The following TMTC2 variants were observed in gnomAD, a reference collection of about 807,000 sequenced individuals.
The protein encoded by TMTC2 is transmembrane O-mannosyltransferase targeting cadherins 2.
In TMTC2, 43 loss-of-function variants were observed where a neutral mutation model predicts 82.4. That is an observed-to-expected ratio of 0.52 (90% CI 0.41 to 0.67). TMTC2 has a LOEUF of 0.67. Among genes scored for constraint, TMTC2 ranks in the 30% least tolerant of loss-of-function variants. The pLI is 0.00. For synonymous variants in TMTC2, 408 were observed against 381.9 expected, an observed-to-expected ratio of 1.07 and a Z score of -0.80; for missense variants, 919 against 1,012.4, an observed-to-expected ratio of 0.91 and a Z score of 1.25.
intron 1 of TMTC2, among the ~76,000 whole-genome samples, chr12:82,846,081 C>T (rs1241853302): frequency 6.6e-6 from 1 of 151,818 alleles, no homozygotes; most frequent in Admixed American, 6.6e-5. Context: ...GAAAGAGTGC[C>T]AGTGCCATGG....
intron 1 of TMTC2, among the ~76,000 whole-genome samples, chr12:82,847,454 C>A (rs559057523): frequency 6.6e-6 from 1 of 152,014 alleles, no homozygotes; most frequent in Non-Finnish European, 1.5e-5. Flanking sequence ...GGTATATACC[C>A]AAAGGATTAT....
At chr12:82,922,660 A>G (rs766082713) in intron 3 of TMTC2, among the ~76,000 whole-genome samples, 7 of 152,130 alleles carry the variant, frequency 4.6e-5, no homozygotes, top group South Asian at 2.1e-4. Context: ...TTTGATTTGT[A>G]TGTAATGTAT....
intron 4 of TMTC2, among the ~76,000 whole-genome samples, chr12:82,953,840 G>A (rs1437232547): frequency 4.7e-5 from 7 of 147,878 alleles, no homozygotes; most frequent in Non-Finnish European, 4.5e-5. Flanking sequence ...TTATCTCTGA[G>A]AAAAAAAAAA....
chr12:82,854,892 T>G (rs577351887), intron 1 of TMTC2, among the ~76,000 whole-genome samples: 1 of 152,292 alleles, frequency 6.6e-6, no homozygotes, highest in Admixed American at 6.5e-5. Flanking sequence ...GCACCTAATT[T>G]CCCAGGTTAT....
At chr12:82,869,163 T>C (rs1354173452) in intron 2 of TMTC2, among the ~76,000 whole-genome samples, 1 of 152,124 alleles carries the variant, frequency 6.6e-6, no homozygotes, top group Non-Finnish European at 1.5e-5. Flanking sequence ...TTAAGAAAAC[T>C]TGAGGATTCG....
chr12:82,816,144 C>CT (rs759486155), intron 1 of TMTC2, among the ~76,000 whole-genome samples: 9,855 of 139,062 alleles, frequency 0.071, 402 homozygotes, highest in Middle Eastern at 0.15. Flanking sequence ...AATGTGCTAT[C>CT]TTTTTTTTTT....
intron 1 of TMTC2, among the ~76,000 whole-genome samples, chr12:82,807,541 A>C (rs559276472): frequency 6.6e-6 from 1 of 152,134 alleles, no homozygotes; most frequent in Non-Finnish European, 1.5e-5. Flanking sequence ...GAGACAATGC[A>C]TGACAGAGAC....
chr12:83,023,981 C>A (rs769552389), intron 8 of TMTC2, among the ~76,000 whole-genome samples: 11 of 152,212 alleles, frequency 7.2e-5, no homozygotes, highest in Non-Finnish European at 1.3e-4. Flanking sequence ...ATTTCTGTAT[C>A]AGGTAGCTTT....
intron 1 of TMTC2, among the ~76,000 whole-genome samples, chr12:82,742,663 G>T (rs1360854821): frequency 1.3e-5 from 2 of 151,956 alleles, no homozygotes; most frequent in African/African-American, 2.4e-5. Flanking sequence ...GGGATTATAG[G>T]CGCCTGCCAT....
chr12:83,048,349 A>G (rs1882219104), intron 9 of TMTC2, among the ~76,000 whole-genome samples: 1 of 152,222 alleles, frequency 6.6e-6, no homozygotes, highest in Admixed American at 6.5e-5. Context: ...GTTAGCATAT[A>G]CAAGTATTTC....
intron 7 of TMTC2, among the ~76,000 whole-genome samples, chr12:82,982,495 C>T (rs1267705568): frequency 1.4e-5 from 2 of 147,052 alleles, no homozygotes; most frequent in Non-Finnish European, 3.0e-5. Flanking sequence ...CATTTATATA[C>T]ACCCTTTTTG....
At chr12:83,112,645 A>G (rs764698881) in intron 11 of TMTC2, among the ~76,000 whole-genome samples, 1 of 152,226 alleles carries the variant, frequency 6.6e-6, no homozygotes, top group East Asian at 1.9e-4. Context: ...TATCTTAAGA[A>G]TAATGTGTAA....
At chr12:83,027,373 TTTAATTTTA>T (rs1177226937) in intron 8 of TMTC2, among the ~76,000 whole-genome samples, 1 of 152,158 alleles carries the variant, frequency 6.6e-6, no homozygotes, top group Non-Finnish European at 1.5e-5. Context: ...TTGGTTGACT[TTTAATTTTA>T]TTTACAGCAA....
intron 4 of TMTC2, among the ~76,000 whole-genome samples, chr12:82,960,244 A>G (rs1877856378): frequency 6.6e-6 from 1 of 152,038 alleles, no homozygotes; most frequent in African/African-American, 2.4e-5. Context: ...AACTTAAAAC[A>G]GAACTACCAT....
intron 11 of TMTC2, among the ~76,000 whole-genome samples, chr12:83,123,351 A>G (rs1543169): frequency 0.53 from 80,157 of 152,096 alleles, 21,838 homozygotes; most frequent in African/African-American, 0.66. Context: ...GAGATTCAAA[A>G]TGAATCATTT....
At chr12:82,880,532 C>T (rs1204518428) in intron 2 of TMTC2, among the ~76,000 whole-genome samples, 2 of 152,152 alleles carry the variant, frequency 1.3e-5, no homozygotes, top group African/African-American at 2.4e-5. Flanking sequence ...AGTAAGAAGC[C>T]AGAGATTCCA....
intron 8 of TMTC2, among the ~76,000 whole-genome samples, chr12:83,024,213 A>G (rs1404290153): frequency 6.6e-6 from 1 of 152,208 alleles, no homozygotes; most frequent in Non-Finnish European, 1.5e-5. Context: ...ACAGAATGTC[A>G]CATGTAACAC....
chr12:82,815,472 A>G (rs902038237), intron 1 of TMTC2, among the ~76,000 whole-genome samples: 87 of 151,436 alleles, frequency 5.7e-4, no homozygotes, highest in African/African-American at 1.9e-3. Context: ...CACCACGCCC[A>G]GCTAATTTTT....
intron 11 of TMTC2, among the ~76,000 whole-genome samples, chr12:83,079,354 A>T (rs1405296950): frequency 6.6e-6 from 1 of 152,146 alleles, no homozygotes; most frequent in Admixed American, 6.5e-5. Flanking sequence ...AACAAACCTA[A>T]TAATTCTCCC....
Sources: allele counts gnomAD v4.1 joint callset (sites outside exome capture counted in the v4.1 genomes callset), GRCh38; gene constraint gnomAD v4.1.1; transcripts MANE v1.5; gene names NCBI Gene and HGNC (gene_info 2026-07-23, HGNC 2026-07-21).